Variants in MMP27 observed in about 807,000 individuals in gnomAD.
MMP27 encodes the protein matrix metallopeptidase 27.
In MMP27, 51 loss-of-function variants were observed where a neutral mutation model predicts 48.1. That is an observed-to-expected ratio of 1.06 (90% CI 0.85 to 1.34). MMP27 has a LOEUF of 1.34. Ranked by LOEUF, MMP27 falls within the 40% of genes most tolerant of loss-of-function variation. The pLI is 0.00. For missense variants in MMP27, 698 were observed against 619.3 expected (o/e 1.13, Z -1.35); for synonymous variants, 229 against 208.9 (o/e 1.10, Z -0.83).
chr11:102,703,012 A>C lies in MMP27; in HGVS notation c.448T>G (p.Ser150Ala), dbSNP rs1241354661. The C allele has an allele frequency of 6.2e-7, 1 of 1,614,028 alleles. No individual in the cohort carries two copies. The highest frequency in any genetic ancestry group is 8.5e-7 in the Non-Finnish European group (1 of 1,180,012). ...ATCATGATGTCTGCAATCCCCTTTGAAATCTTGGTGAATTTTAGTGGAGTG... is the reference window on the plus strand; with the variant it reads ...ATCATGATGTCTGCAATCCCCTTTGCAATCTTGGTGAATTTTAGTGGAGTG... The part of the protein sequence containing the change: ...KVTPLKFTKI[S>A]KGIADIMIAF... Residue 150 changes from serine to alanine, a missense_variant, in exon 3 of 10, where the codon TCA becomes GCA. Ser to Ala is a moderately conservative substitution (Grantham distance 99, BLOSUM62 1). Transcript: ENST00000260229.
intron 4 of MMP27, among the ~76,000 whole-genome samples, chr11:102,700,362 A>G (rs1222396155): frequency 6.6e-6 from 1 of 152,208 alleles, no homozygotes; most frequent in Admixed American, 6.5e-5. Context: ...ATTTTTCCTT[A>G]TGCCTAGAAT....
intron 1 of MMP27, 91 bp from the exon 2 acceptor site, chr11:102,704,866 C>G: frequency 1.3e-6 from 1 of 750,528 alleles, no homozygotes; most frequent in Non-Finnish European, 2.1e-6. Flanking sequence ...GCCTAAAATT[C>G]CTTCTGGCAA....
chr11:102,695,161 T>C, intron 6 of MMP27, 64 bp from the exon 7 acceptor site: 1 of 1,563,458 alleles, frequency 6.4e-7, no homozygotes, highest in Admixed American at 1.7e-5. Context: ...AATTTTGTAA[T>C]CTTAGGCTTG....
At chr11:102,698,940 G>A (rs564360838) in intron 4 of MMP27, among the ~76,000 whole-genome samples, 2 of 152,282 alleles carry the variant, frequency 1.3e-5, no homozygotes, top group African/African-American at 4.8e-5. Context: ...TGCATTGTTT[G>A]TTTCTGTCAC....
At chr11:102,705,152 A>G (rs1268331490) in intron 1 of MMP27, among the ~76,000 whole-genome samples, 1 of 152,236 alleles carries the variant, frequency 6.6e-6, no homozygotes, top group Non-Finnish European at 1.5e-5. Flanking sequence ...GTTCTAGGAT[A>G]AATAAGTGAT....
intron 4 of MMP27, 99 bp from the exon 5 acceptor site, chr11:102,696,934 TTGC>T: frequency 1.6e-6 from 2 of 1,274,098 alleles, no homozygotes; most frequent in Non-Finnish European, 2.1e-6. Flanking sequence ...AAATAAAGGC[TTGC>T]TATACAGCAG....
chr11:102,691,969 C>T lies in MMP27; in HGVS notation c.1339G>A (p.Asp447Asn), dbSNP rs2509010. The T allele has an allele frequency of 0.27, 430,850 of 1,609,390 alleles. 60,689 individuals carry two copies. Among genetic ancestry groups the T allele is most frequent in the Non-Finnish European group, 0.29 (341,351 of 1,177,352 alleles). ...FSRGSKQFEY[D>N]IKTKNITRIM... ...CGGGTAATATTCTTTGTCTTAATGT[C>T]GTATTCAAATTGCTTTGATCCACGG... The change falls in exon 10 of 10, where the codon GAC (aspartate) becomes AAC (asparagine). Residue 447 changes from aspartate to asparagine, a missense_variant. By Grantham distance (23) the Asp-to-Asn change is conservative. Transcript: ENST00000260229.
At chr11:102,693,812 A>G (rs534602571) in intron 8 of MMP27, 94 bp downstream of exon 8, 16 of 1,079,138 alleles carry the variant, frequency 1.5e-5, no homozygotes, top group Middle Eastern at 2.2e-4. Flanking sequence ...AAAAAATATT[A>G]TGGATTCATT....
rs956595128 is a variant in MMP27, at chr11:102,692,946, T to C, written c.1289A>G (p.Gln430Arg). 6.2e-7 allele frequency: 1 copy of C among 1,612,604 alleles called. No individual in the cohort carries two copies. Among genetic ancestry groups the C allele is most frequent in the Non-Finnish European group, 8.5e-7 (1 of 1,178,690 alleles). The change falls in exon 9 of 10, where the codon CAG (glutamine) becomes CGG (arginine). Residue 430 changes from glutamine (Q) to arginine (R), a missense_variant. Gln to Arg is a conservative substitution (Grantham distance 43). Transcript: ENST00000260229. Reference protein sequence around the residue: ...GISIRVDAAFQYKGFFFFSRG... With the variant: ...GISIRVDAAFRYKGFFFFSRG... ...GAGACATCCATGCTTACCTTTGTAC[T>C]GGAAAGCAGCATCAACACGGATACT... is the stretch of plus-strand genomic sequence containing the variant.
At chr11:102,703,654 C>G (rs1187287600) in intron 2 of MMP27, among the ~76,000 whole-genome samples, 1 of 152,098 alleles carries the variant, frequency 6.6e-6, no homozygotes, top group African/African-American at 2.4e-5. Context: ...TCCTGAGTAG[C>G]TGGGACTACA....
At chr11:102,697,539 C>G (rs1448994488) in intron 4 of MMP27, among the ~76,000 whole-genome samples, 1 of 152,028 alleles carries the variant, frequency 6.6e-6, no homozygotes, top group Non-Finnish European at 1.5e-5. Flanking sequence ...CAGGGTCTTG[C>G]TCTGTTGCCC....
At chr11:102,701,585 A>T (rs1416183553) in intron 4 of MMP27, among the ~76,000 whole-genome samples, 1 of 152,196 alleles carries the variant, frequency 6.6e-6, no homozygotes, top group Non-Finnish European at 1.5e-5. Context: ...GATACACAAC[A>T]GACATGGTTC....
chr11:102,696,437 C>G lies in MMP27; in HGVS notation c.836G>C (p.Cys279Ser), dbSNP rs1221053261. 1 of 1,613,770 alleles carries G rather than the reference C, an allele frequency of 6.2e-7. No homozygotes were observed. The highest frequency in any genetic ancestry group is 8.5e-7 in the Non-Finnish European group (1 of 1,179,880). The change falls in exon 6 of 10, where the codon TGT becomes TCT. Residue 279 changes from cysteine (C) to serine (S), a missense_variant. Coordinates refer to ENST00000260229, the MANE Select transcript of MMP27 (RefSeq NM_022122.3). The part of the protein sequence containing the change: ...KPKEPTIPHA[C>S]DPDLTFDAIT... Reference sequence around the variant, plus strand: ...AGCGTCAAAAGTCAAGTCAGGGTCACAGGCATGGGGTATAGTGGGTTCCTT... The same window carrying G: ...AGCGTCAAAAGTCAAGTCAGGGTCAGAGGCATGGGGTATAGTGGGTTCCTT...
chr11:102,693,570 C>A (rs1020135135), intron 8 of MMP27, among the ~76,000 whole-genome samples: 1 of 151,908 alleles, frequency 6.6e-6, no homozygotes, highest in Non-Finnish European at 1.5e-5. Context: ...ATCGCTTGAG[C>A]CCAGGAGTTC....
At position 102,692,932 on chromosome 11, in the gene MMP27, G is replaced by GAGA. The variant is rs780633402; in HGVS notation, c.1297+5_1297+6insTCT. The GAGA allele has an allele frequency of 3.1e-6, 5 of 1,609,536 alleles. No individual in the cohort carries two copies. The highest frequency in any genetic ancestry group is 3.3e-4 in the Middle Eastern group (2 of 6,068). ...GTATCCCAATAAGTGAGACATCCAT[G>GAGA]CTTACCTTTGTACTGGAAAGCAGCA... On this transcript the variant is annotated splice_donor_region_variant and intron_variant, in intron 9 of 9. Transcript: ENST00000260229.
At chr11:102,703,232 T>C in intron 2 of MMP27, 114 bp from the exon 3 acceptor site, 1 of 939,576 alleles carries the variant, frequency 1.1e-6, no homozygotes, top group Non-Finnish European at 1.6e-6. Flanking sequence ...AACTTTGGTG[T>C]GGTGCAATTA....
At position 102,705,652 on chromosome 11, in the gene MMP27, G is replaced by T; in HGVS notation, c.63C>A (p.Val21=). 2.5e-6 allele frequency: 4 copies of T among 1,604,058 alleles called. No homozygotes were observed. Among genetic ancestry groups the T allele is most frequent in the Non-Finnish European group, 3.4e-6 (4 of 1,176,198 alleles). Residue 21 remains valine, a synonymous_variant, in exon 1 of 10, where the codon GTC becomes GTA. Coordinates refer to ENST00000260229, the MANE Select transcript of MMP27 (RefSeq NM_022122.3). ...FITFSSAFPL[V]RMTENEENMQ... The stretch of plus-strand genomic sequence containing the variant: ...TATTTTCTTCATTTTCCGTCATCCG[G>T]ACTAAGGGAAATGCAGAAGAAAATG...
At chr11:102,696,936 G>C in intron 4 of MMP27, 101 bp from the exon 5 acceptor site, 2 of 1,246,482 alleles carry the variant, frequency 1.6e-6, no homozygotes, top group East Asian at 2.5e-5. Context: ...ATAAAGGCTT[G>C]CTATACAGCA....
At chr11:102,701,861 T>C (rs1281034050) in intron 4 of MMP27, among the ~76,000 whole-genome samples, 1 of 152,222 alleles carries the variant, frequency 6.6e-6, no homozygotes, top group East Asian at 1.9e-4. Flanking sequence ...AAAGCTGATC[T>C]AGACCGATTA....
Sources: gnomAD v4.1 joint callset for allele counts (sites outside exome capture counted in the v4.1 genomes callset) on GRCh38, gnomAD v4.1.1 for gene constraint, MANE v1.5 for transcripts, NCBI Gene and HGNC (gene_info 2026-07-23, HGNC 2026-07-21) for gene names.